FSD1L: variants seen among roughly 807,000 people sequenced by gnomAD.
The protein encoded by FSD1L is FSD1-like protein.
In FSD1L, 45 loss-of-function variants were observed where a neutral mutation model predicts 71.6. The ratio of observed to expected loss-of-function variants is 0.63; its 90% confidence interval spans 0.49 to 0.81. FSD1L has a LOEUF of 0.81. FSD1L is among the 30% of genes least tolerant of loss of function. The pLI is 0.00. For missense variants in FSD1L, 561 were observed against 618.1 expected (o/e 0.91, Z 0.98); for synonymous variants, 197 against 207.2 (o/e 0.95, Z 0.42).
chr9:105,524,288 T>G (rs1025429785), intron 10 of FSD1L: 5 of 1,612,774 alleles, frequency 3.1e-6, no homozygotes, highest in Non-Finnish European at 3.4e-6. Flanking sequence ...TGCTGGTTCA[T>G]TATGTACCTA....
chr9:105,533,727 TC>T (rs917371887), intron 10 of FSD1L, among the ~76,000 whole-genome samples: 1 of 148,310 alleles, frequency 6.7e-6, no homozygotes, highest in African/African-American at 2.5e-5. Flanking sequence ...AGCCCCCCCG[TC>T]CCTTTTTTTT....
chr9:105,540,040 T>C (rs1010072467), intron 13 of FSD1L, among the ~76,000 whole-genome samples: 1 of 152,154 alleles, frequency 6.6e-6, no homozygotes, highest in African/African-American at 2.4e-5. Context: ...ATCGTATATG[T>C]ATAATCAACT....
At position 105,552,325 on chromosome 9, in the gene FSD1L, A is replaced by C. The variant is rs2131563043; in HGVS notation, c.*5842A>C. The C allele has an allele frequency of 6.6e-6, 1 of 152,300 alleles. No homozygotes were observed. The highest frequency in any genetic ancestry group is 2.4e-5 in the African/African-American group (1 of 41,556). The allele number at this position is 152,300 out of a possible 1,614,324, so 9.4% of individuals were successfully genotyped here. On this transcript the variant is annotated 3_prime_UTR_variant, in exon 14 of 14. Transcript: ENST00000481272. ...TTTTTCACTTTAAAATAGGGTATTC[A>C]AAGTGGAGTAACGTGTATTTTGAAA...
intron 1 of FSD1L, among the ~76,000 whole-genome samples, chr9:105,460,194 C>T (rs1341520259): frequency 1.3e-5 from 2 of 152,104 alleles, no homozygotes; most frequent in African/African-American, 4.8e-5. Flanking sequence ...AGTTTCTTTC[C>T]AGAAGTATGG....
chr9:105,442,773 G>A, the FSD1L span, among the ~76,000 whole-genome samples: 1 of 152,080 alleles, frequency 6.6e-6, no homozygotes, highest in African/African-American at 2.4e-5. Flanking sequence ...CAAATGTCCA[G>A]CCCCTGCTTA....
intron 13 of FSD1L, among the ~76,000 whole-genome samples, chr9:105,545,227 T>C (rs1836912651): frequency 1.4e-5 from 2 of 144,202 alleles, no homozygotes; most frequent in Admixed American, 1.4e-4. Flanking sequence ...GGCTCTCTGT[T>C]TGTTATTGGT....
chr9:105,497,372 C>G (rs1349233313), intron 7 of FSD1L, among the ~76,000 whole-genome samples: 1 of 152,088 alleles, frequency 6.6e-6, no homozygotes, highest in African/African-American at 2.4e-5. Flanking sequence ...GTAATGCTGG[C>G]CTCATAGAAA....
At chr9:105,514,023 T>A (rs1378912120) in intron 10 of FSD1L, among the ~76,000 whole-genome samples, 3 of 152,222 alleles carry the variant, frequency 2.0e-5, no homozygotes, top group Admixed American at 6.5e-5. Flanking sequence ...GAGTTCTCTG[T>A]TTTATAATAA....
chr9:105,521,683 A>G, intron 10 of FSD1L: 2 of 1,613,584 alleles, frequency 1.2e-6, no homozygotes, highest in Admixed American at 3.3e-5. Flanking sequence ...TCAATGGAAG[A>G]AGGAGAAAAA....
intron 6 of FSD1L, among the ~76,000 whole-genome samples, chr9:105,481,209 G>A (rs1439218233): frequency 5.5e-5 from 3 of 55,040 alleles, no homozygotes; most frequent in Non-Finnish European, 7.0e-5. Context: ...TTTTTTGCTT[G>A]TTCAAACCCT....
intron 4 of FSD1L, among the ~76,000 whole-genome samples, chr9:105,471,513 C>T (rs943966306): frequency 1.9e-4 from 29 of 151,974 alleles, no homozygotes; most frequent in African/African-American, 6.8e-4. Context: ...AAAAATACTT[C>T]CTACTTGTCC....
At chr9:105,452,712 T>TTCCTTCCTTCCC in intron 1 of FSD1L, among the ~76,000 whole-genome samples, 1 of 149,906 alleles carries the variant, frequency 6.7e-6, no homozygotes. Context: ...CCTTCCTTCC[T>TTCCTTCCTTCCC]TCCTTCTTTC....
intron 7 of FSD1L, among the ~76,000 whole-genome samples, chr9:105,494,365 C>T (rs1037888022): frequency 3.9e-5 from 6 of 152,082 alleles, no homozygotes; most frequent in African/African-American, 1.2e-4. Flanking sequence ...CTCCTTTAAG[C>T]ACTTCTCTGT....
intron 1 of FSD1L, among the ~76,000 whole-genome samples, chr9:105,457,112 G>A (rs532033244): frequency 1.3e-5 from 2 of 152,242 alleles, no homozygotes; most frequent in East Asian, 3.9e-4. Context: ...ATGTAACATG[G>A]GCTCATTCTA....
intron 3 of FSD1L, among the ~76,000 whole-genome samples, chr9:105,465,874 AC>A (rs1831031760): frequency 6.6e-6 from 1 of 150,572 alleles, no homozygotes; most frequent in Admixed American, 6.6e-5. Flanking sequence ...TACTCTCACC[AC>A]TTTTTTTTTT....
rs1315679675 is a variant in FSD1L, at chr9:105,551,255, C to T, written c.*4772C>T. On this transcript the variant is annotated 3_prime_UTR_variant, in exon 14 of 14. Coordinates refer to ENST00000481272, the MANE Select transcript of FSD1L (RefSeq NM_001145313.3). ...GTTTTGGAATAATTTATATTAAAAG[C>T]CGCAAGTCTTAAAAATCCCTGGATA... 6.6e-6 allele frequency: 1 copy of T among 151,896 alleles called. No individual in the cohort carries two copies. The allele number at this position is 151,896 out of a possible 1,614,324, so 9.4% of individuals were successfully genotyped here. A position where few individuals can be genotyped will look rare whatever the true frequency, so the allele number is the denominator to read the frequency against.
intron 10 of FSD1L, chr9:105,521,943 A>G: frequency 6.2e-7 from 1 of 1,612,742 alleles, no homozygotes; most frequent in Non-Finnish European, 8.5e-7. Context: ...CATTCTTAAC[A>G]TTTATCGGTA....
chr9:105,501,819 T>A (rs1564118680), intron 7 of FSD1L, among the ~76,000 whole-genome samples: 1 of 152,126 alleles, frequency 6.6e-6, no homozygotes, highest in African/African-American at 2.4e-5. Context: ...GACTGTACTT[T>A]CCAGGTTATT....
chr9:105,548,582 A>C lies in FSD1L; in HGVS notation c.*2099A>C, dbSNP rs1313912974. The C allele has an allele frequency of 6.6e-6, 1 of 152,452 alleles. No individual in the cohort carries two copies. The highest frequency in any genetic ancestry group is 1.5e-5 in the Non-Finnish European group (1 of 67,956). 9.4% of individuals were successfully genotyped at this position (152,452 alleles called of 1,614,324 possible). A position where few individuals can be genotyped will look rare whatever the true frequency, so the allele number is the denominator to read the frequency against. ...GTTGCAGGGGCATGGGGAAATGCAT[A>C]TATTAATCAGGGGCTGGAGGAGTAT... is the stretch of plus-strand genomic sequence containing the variant. On this transcript the variant is annotated 3_prime_UTR_variant, in exon 14 of 14. Transcript: ENST00000481272.
Sources: gnomAD v4.1 joint callset for allele counts (sites outside exome capture counted in the v4.1 genomes callset) on GRCh38, gnomAD v4.1.1 for gene constraint, MANE v1.5 for transcripts, NCBI Gene and HGNC (gene_info 2026-07-23, HGNC 2026-07-21) for gene names.